Variants in FHAD1 observed in about 807,000 individuals in gnomAD.
The protein encoded by FHAD1 is forkhead-associated domain-containing protein 1.
In FHAD1, 146 loss-of-function variants were observed where a neutral mutation model predicts 191.3. The observed-to-expected ratio is 0.76, with a 90% confidence interval of 0.67 to 0.88. FHAD1 has a LOEUF of 0.88. FHAD1 is among the 40% of genes least tolerant of loss of function. FHAD1 has a pLI of 0.00. For missense variants in FHAD1, 1,635 were observed against 1,785.8 expected (o/e 0.92, Z 1.52); for synonymous variants, 616 against 672.3 (o/e 0.92, Z 1.29).
chr1:15,317,427 GA>G (rs1287929141), intron 9 of FHAD1, among the ~76,000 whole-genome samples: 1 of 152,050 alleles, frequency 6.6e-6, no homozygotes, highest in East Asian at 1.9e-4. Context: ...AAACAAAAAA[GA>G]AAAAACATTT....
intron 33 of FHAD1, among the ~76,000 whole-genome samples, chr1:15,396,305 G>A (rs764043025): frequency 6.6e-6 from 1 of 151,462 alleles, no homozygotes; most frequent in Non-Finnish European, 1.5e-5. Context: ...CTGGGCAACA[G>A]AGTGAGACCC....
chr1:15,300,183 TC>T (rs1201787135), intron 5 of FHAD1, among the ~76,000 whole-genome samples: 1 of 152,190 alleles, frequency 6.6e-6, no homozygotes, highest in Non-Finnish European at 1.5e-5. Flanking sequence ...GGGGATTTTT[TC>T]CCCCTTTTTT....
intron 2 of FHAD1, among the ~76,000 whole-genome samples, chr1:15,268,122 T>C (rs1446709965): frequency 6.7e-6 from 1 of 149,954 alleles, no homozygotes; most frequent in Admixed American, 6.7e-5. Context: ...ATTAGGTATA[T>C]CTCCTAAAGC....
At chr1:15,313,248 C>A in intron 8 of FHAD1, 61 bp downstream of exon 8, 1 of 1,492,300 alleles carries the variant, frequency 6.7e-7, no homozygotes, top group South Asian at 1.2e-5. Context: ...AAAGTGAAGT[C>A]ACGTGATATG....
In FHAD1 at chr1:15,345,178, C is replaced by G; in HGVS notation, c.2226C>G (p.Ala742=). Residue 742 remains alanine (A), a synonymous_variant, in exon 17 of 34, where the codon GCC becomes GCG. Coordinates refer to ENST00000688493, the MANE Select transcript of FHAD1 (RefSeq NM_001391957.1). ...KRMQELESLL[A]QQKKALAKSI... Reference sequence around the variant, plus strand: ...TGCAAGAACTGGAGAGCCTCCTGGCCCAGCAGAAGAAGGTATGTGGCTCAG... The same window carrying G: ...TGCAAGAACTGGAGAGCCTCCTGGCGCAGCAGAAGAAGGTATGTGGCTCAG... The G allele has an allele frequency of 6.4e-7, 1 of 1,551,328 alleles. No individual in the cohort carries two copies. The highest frequency in any genetic ancestry group is 8.7e-7 in the Non-Finnish European group (1 of 1,146,738).
At chr1:15,275,243 T>C (rs1336575114) in intron 3 of FHAD1, among the ~76,000 whole-genome samples, 8 of 152,214 alleles carry the variant, frequency 5.3e-5, no homozygotes, top group Non-Finnish European at 1.2e-4. Context: ...ATTACAGGCG[T>C]GAGCCACCGC....
intron 2 of FHAD1, among the ~76,000 whole-genome samples, chr1:15,265,719 C>T (rs572140543): frequency 6.6e-6 from 1 of 152,162 alleles, no homozygotes; most frequent in South Asian, 2.1e-4. Context: ...CACCTGTAAT[C>T]CCAGCACTTT....
rs1190713297 is a variant in FHAD1, at chr1:15,318,302, T to A, written c.1365+374T>A. On this transcript the variant is annotated intron_variant, in intron 10 of 33. Coordinates refer to ENST00000688493, the MANE Select transcript of FHAD1 (RefSeq NM_001391957.1). This position sits in a 1 kb window ranked among gnomAD's most constrained non-coding sequence, Gnocchi z 4.1. The stretch of plus-strand genomic sequence containing the variant: ...AAAATTGTATTGCATACTCCAGACC[T>A]GCGCTATCCATAACAGTAGCCACTA... 1.3e-5 allele frequency among the ~76,000 whole-genome samples: 2 copies of A among 152,222 alleles called. No individual in the cohort carries two copies. The highest frequency in any genetic ancestry group is 4.8e-5 in the African/African-American group (2 of 41,464).
At chr1:15,345,393 T>C (rs1419930423) in intron 17 of FHAD1, 23 bp from the exon 18 acceptor site, 2 of 1,546,494 alleles carry the variant, frequency 1.3e-6, no homozygotes, top group South Asian at 1.2e-5. Context: ...ACCATGTCTA[T>C]TGAACAATGA....
At chr1:15,346,464 T>A (rs952449808) in intron 18 of FHAD1, among the ~76,000 whole-genome samples, 2 of 152,168 alleles carry the variant, frequency 1.3e-5, no homozygotes, top group African/African-American at 2.4e-5. Flanking sequence ...GCCCACGTCA[T>A]TTTTGGTATC....
chr1:15,279,041 GT>G (rs1246954543), intron 3 of FHAD1, among the ~76,000 whole-genome samples: 1 of 151,918 alleles, frequency 6.6e-6, no homozygotes, highest in Non-Finnish European at 1.5e-5. Context: ...CTGTTTATTT[GT>G]TCCAAATTTC....
chr1:15,291,876 C>G (rs1398995004), intron 4 of FHAD1, among the ~76,000 whole-genome samples: 1 of 152,190 alleles, frequency 6.6e-6, no homozygotes, highest in African/African-American at 2.4e-5. Context: ...TGCCACCTCT[C>G]CTAGGCTGCT....
intron 2 of FHAD1, among the ~76,000 whole-genome samples, chr1:15,259,421 A>T (rs1424630442): frequency 6.6e-6 from 1 of 152,126 alleles, no homozygotes; most frequent in Non-Finnish European, 1.5e-5. Flanking sequence ...CTAGTCGGGG[A>T]CGGTGGGGCT....
intron 13 of FHAD1, chr1:15,328,896 C>T (rs898308908): frequency 1.8e-5 from 3 of 162,366 alleles, no homozygotes; most frequent in Non-Finnish European, 2.7e-5. Flanking sequence ...TCAGAGCAGG[C>T]GGTGGCTTCT....
At chr1:15,295,621 C>A (rs147008351) in intron 4 of FHAD1, among the ~76,000 whole-genome samples, 146 of 151,220 alleles carry the variant, frequency 9.7e-4, no homozygotes, top group Non-Finnish European at 1.6e-3. Context: ...GTGTGTGTGT[C>A]TCTCTCTCTA....
intron 32 of FHAD1, among the ~76,000 whole-genome samples, chr1:15,390,837 G>A (rs1359035077): frequency 6.6e-6 from 1 of 152,166 alleles, no homozygotes; most frequent in Non-Finnish European, 1.5e-5. Flanking sequence ...GAACCACCGG[G>A]CATCTGCAGC....
At chr1:15,323,427 CTG>C (rs34290511) in intron 10 of FHAD1, among the ~76,000 whole-genome samples, 5,238 of 152,268 alleles carry the variant, frequency 0.034, 325 homozygotes, top group African/African-American at 0.12. Flanking sequence ...AGTGAGGAAA[CTG>C]AGGCCCAGCG....
chr1:15,237,678 A>G (rs1644928329), intron 1 of FHAD1, among the ~76,000 whole-genome samples: 2 of 152,220 alleles, frequency 1.3e-5, no homozygotes, highest in Admixed American at 1.3e-4. Flanking sequence ...CTTAAGTTTC[A>G]AAAAACAATC....
intron 23 of FHAD1, 115 bp downstream of exon 23, chr1:15,362,841 C>G: frequency 1.2e-5 from 9 of 769,132 alleles, no homozygotes; most frequent in Non-Finnish European, 1.5e-5. Flanking sequence ...AACAAGGAGC[C>G]GGGCCTGCTG....
Sources: gnomAD v4.1 joint callset for allele counts (sites outside exome capture counted in the v4.1 genomes callset) on GRCh38, gnomAD v4.1.1 for gene constraint, Gnocchi (gnomAD v3.1) non-coding constraint, MANE v1.5 for transcripts, NCBI Gene and HGNC (gene_info 2026-07-23, HGNC 2026-07-21) for gene names.